The following KLF12 variants were observed in gnomAD, a reference collection of about 807,000 sequenced individuals.
KLF12 encodes the protein KLF transcription factor 12.
KLF12 carries 9 observed loss-of-function variants against 37.8 expected under a neutral mutation model. That is an observed-to-expected ratio of 0.24 (90% CI 0.14 to 0.42). The LOEUF (loss-of-function observed/expected upper bound fraction) is 0.42, where lower values mean the gene tolerates loss of function less well. Ranked by LOEUF, KLF12 falls within the 10% of genes least tolerant of loss-of-function variation. KLF12 has a pLI of 1.00. For missense variants in KLF12, 411 were observed against 516.0 expected (o/e 0.80, Z 1.97); for synonymous variants, 208 against 202.1 (o/e 1.03, Z -0.25).
chr13:74,254,884 G>A, the KLF12 span, among the ~76,000 whole-genome samples: 2 of 152,076 alleles, frequency 1.3e-5, no homozygotes. Context: ...CCTCAGCTGT[G>A]CTATGAATAA....
the KLF12 span, among the ~76,000 whole-genome samples, chr13:74,243,900 T>C: frequency 6.6e-6 from 1 of 152,140 alleles, no homozygotes; most frequent in African/African-American, 2.4e-5. Flanking sequence ...AGCACACAAT[T>C]TTGAAATTGT....
At chr13:73,769,406 T>C (rs993592519) in intron 5 of KLF12, among the ~76,000 whole-genome samples, 1 of 152,202 alleles carries the variant, frequency 6.6e-6, no homozygotes, top group African/African-American at 2.4e-5. Flanking sequence ...AACAGCTTCT[T>C]TACTCAGCAG....
chr13:74,218,473 C>G, the KLF12 span, among the ~76,000 whole-genome samples: 1 of 152,122 alleles, frequency 6.6e-6, no homozygotes, highest in Non-Finnish European at 1.5e-5. Context: ...GAAAGACATA[C>G]TAACTGCCCC....
At chr13:74,118,951 G>C (rs928571070) in intron 1 of KLF12, among the ~76,000 whole-genome samples, 1 of 152,128 alleles carries the variant, frequency 6.6e-6, no homozygotes, top group Non-Finnish European at 1.5e-5. Context: ...ATAAAAGGAA[G>C]ACAATAATAA....
At chr13:73,828,850 C>T (rs955716171) in intron 4 of KLF12, among the ~76,000 whole-genome samples, 3 of 152,094 alleles carry the variant, frequency 2.0e-5, no homozygotes, top group African/African-American at 7.2e-5. Context: ...ATCTACTTGT[C>T]GAATCTATCT....
chr13:74,264,085 G>C, the KLF12 span, among the ~76,000 whole-genome samples: 5 of 152,160 alleles, frequency 3.3e-5, no homozygotes, highest in African/African-American at 1.2e-4. Context: ...AGTGATCGAA[G>C]GATGACAGAC....
chr13:74,064,464 TTTTG>T (rs1380415127), intron 1 of KLF12, among the ~76,000 whole-genome samples: 1 of 152,194 alleles, frequency 6.6e-6, no homozygotes, highest in Admixed American at 6.5e-5. Context: ...GCTGCAATCG[TTTTG>T]TTTATGTTAA....
At chr13:73,905,542 A>C (rs1260571845) in intron 3 of KLF12, among the ~76,000 whole-genome samples, 6 of 151,976 alleles carry the variant, frequency 3.9e-5, no homozygotes, top group Non-Finnish European at 8.8e-5. Context: ...GTTTTAAAAA[A>C]AATCAATTCC....
intron 1 of KLF12, among the ~76,000 whole-genome samples, chr13:73,998,892 A>C (rs1191680643): frequency 6.6e-6 from 1 of 152,274 alleles, no homozygotes; most frequent in African/African-American, 2.4e-5. Context: ...CTAAAAATGA[A>C]AAGTAGCTAA....
intron 3 of KLF12, among the ~76,000 whole-genome samples, chr13:73,893,839 G>A (rs889519228): frequency 6.6e-6 from 1 of 152,294 alleles, no homozygotes; most frequent in African/African-American, 2.4e-5. Context: ...CGGCAATAGA[G>A]CACAGCAGTC....
At chr13:73,910,743 C>T (rs1888527453) in intron 3 of KLF12, among the ~76,000 whole-genome samples, 2 of 152,092 alleles carry the variant, frequency 1.3e-5, no homozygotes, top group South Asian at 4.1e-4. Flanking sequence ...CCCTCCAAAA[C>T]TCATGTTGAA....
At chr13:73,871,189 G>C (rs973182062) in intron 3 of KLF12, among the ~76,000 whole-genome samples, 1 of 152,168 alleles carries the variant, frequency 6.6e-6, no homozygotes, top group Non-Finnish European at 1.5e-5. Flanking sequence ...GCAGAGTCGA[G>C]TTACTAGTCT....
In KLF12 at chr13:73,687,213, TA is replaced by T. The variant is rs752226796; in HGVS notation, c.*8276del. 1.3e-5 allele frequency: 2 copies of T among 152,628 alleles called. No homozygotes were observed. Among genetic ancestry groups the T allele is most frequent in the Non-Finnish European group, 2.9e-5 (2 of 68,026 alleles). 9.5% of individuals were successfully genotyped at this position (152,628 alleles called of 1,614,324 possible). On this transcript the variant is annotated 3_prime_UTR_variant, in exon 8 of 8. Transcript: ENST00000377669. ...AATTGCATTATGATGCAGGATGACA[TA>T]ATACATAAGACGATGTTTTCAAGCT...
the KLF12 span, among the ~76,000 whole-genome samples, chr13:74,178,061 A>C: frequency 6.6e-6 from 1 of 152,252 alleles, no homozygotes; most frequent in African/African-American, 2.4e-5. Flanking sequence ...CTGGTATAGC[A>C]TTCTACGGTG....
At chr13:73,963,346 C>T (rs1393163005) in intron 2 of KLF12, among the ~76,000 whole-genome samples, 1 of 68,282 alleles carries the variant, frequency 1.5e-5, no homozygotes, top group African/African-American at 4.0e-5. Flanking sequence ...TATAGTACTT[C>T]AGTATACACA....
At chr13:74,239,553 C>T in the KLF12 span, among the ~76,000 whole-genome samples, 2 of 114,664 alleles carry the variant, frequency 1.7e-5, no homozygotes, top group African/African-American at 7.6e-5. Context: ...TTAAAGTCTC[C>T]CATTATTAAT....
chr13:73,712,137 G>T (rs1041588989), intron 7 of KLF12, among the ~76,000 whole-genome samples: 1 of 152,016 alleles, frequency 6.6e-6, no homozygotes, highest in African/African-American at 2.4e-5. Context: ...TCGGGAGTTC[G>T]AGACCAGCCT....
the KLF12 span, among the ~76,000 whole-genome samples, chr13:74,178,102 A>G: frequency 6.6e-6 from 1 of 152,176 alleles, no homozygotes; most frequent in African/African-American, 2.4e-5. Flanking sequence ...TTTAGTTTTC[A>G]GTTCTGCCAG....
At chr13:74,271,243 T>C in the KLF12 span, among the ~76,000 whole-genome samples, 1 of 152,284 alleles carries the variant, frequency 6.6e-6, no homozygotes, top group African/African-American at 2.4e-5. Flanking sequence ...AACCAGTCCC[T>C]GATGCCAAAA....
Sources: gnomAD v4.1 joint callset for allele counts (sites outside exome capture counted in the v4.1 genomes callset) on GRCh38, gnomAD v4.1.1 for gene constraint, MANE v1.5 for transcripts, NCBI Gene and HGNC (gene_info 2026-07-23, HGNC 2026-07-21) for gene names.